Variants in ATP6V0D1 observed in about 807,000 individuals in gnomAD.
ATP6V0D1 encodes V-type proton ATPase subunit d 1.
Under a neutral mutation model 39.0 loss-of-function variants are expected in ATP6V0D1, and 13 were observed. The observed-to-expected ratio is 0.33, with a 90% CI of 0.22 to 0.53. The LOEUF is 0.53. Ranked by LOEUF, ATP6V0D1 falls within the 20% of genes least tolerant of loss-of-function variation. ATP6V0D1 has a pLI of 0.94. For missense variants in ATP6V0D1, 272 were observed against 470.9 expected, an observed-to-expected ratio of 0.58 and a Z score of 3.91; for synonymous variants, 191 against 191.2, an observed-to-expected ratio of 1.00 and a Z score of 0.01.
chr16:67,455,271 G>C (rs2041226717), intron 1 of ATP6V0D1: 1 of 152,208 alleles, frequency 6.6e-6, no homozygotes, highest in South Asian at 2.1e-4. Flanking sequence ...GAGAAGAAGG[G>C]AAGTGGGGCA....
intron 2 of ATP6V0D1, among the ~76,000 whole-genome samples, chr16:67,451,202 GGA>G (rs1379034364): frequency 6.6e-6 from 1 of 152,188 alleles, no homozygotes; most frequent in East Asian, 1.9e-4. Flanking sequence ...GGAGGTAGGG[GGA>G]GAGCGGCTCC....
At chr16:67,473,576 T>G (rs2142333808) in intron 1 of ATP6V0D1, among the ~76,000 whole-genome samples, 1 of 152,304 alleles carries the variant, frequency 6.6e-6, no homozygotes, top group East Asian at 1.9e-4. Flanking sequence ...CAGGCTGGAG[T>G]GCAGTGGTGC....
rs2041128574 is a variant in ATP6V0D1, at chr16:67,447,330, C to G, written c.303-2624G>C. On this transcript the variant is annotated intron_variant, in intron 2 of 7. Coordinates refer to ENST00000290949, the MANE Select transcript of ATP6V0D1 (RefSeq NM_004691.5). The surrounding 1 kb of genome is among the most constrained non-coding windows in gnomAD (Gnocchi z 4.1). The stretch of plus-strand genomic sequence containing the variant: ...CAGTGAGGGGCAGAATCCTCTTTTT[C>G]AGGAGATGAGAGGCTGGACAGGCCT... 6.6e-6 allele frequency among the ~76,000 whole-genome samples: 1 copy of G among 152,204 alleles called. No homozygotes were observed. The highest frequency in any genetic ancestry group is 1.5e-5 in the Non-Finnish European group (1 of 68,028).
rs1039405407 is a variant in ATP6V0D1 at position 67,447,106 on chromosome 16, C to G, written c.303-2400G>C. Among the ~76,000 whole-genome samples the G allele has an allele frequency of 1.3e-5, 2 of 152,230 alleles. No homozygotes were observed. The highest frequency in any genetic ancestry group is 2.9e-5 in the Non-Finnish European group (2 of 68,046). ...TCAACGTCCCCCTCCTTGCGCCCCC[C>G]ACTCAGGGCATCTGTTTATGTGGGG... On this transcript the variant is annotated intron_variant, in intron 2 of 7. Coordinates refer to ENST00000290949, the MANE Select transcript of ATP6V0D1 (RefSeq NM_004691.5). The surrounding 1 kb of genome is among the most constrained non-coding windows in gnomAD (Gnocchi z 4.1).
intron 1 of ATP6V0D1, among the ~76,000 whole-genome samples, chr16:67,466,348 C>CAT (rs1183663305): frequency 2.0e-5 from 3 of 150,544 alleles, no homozygotes; most frequent in Non-Finnish European, 3.0e-5. Context: ...CACACACACA[C>CAT]ACACACACAC....
chr16:67,475,175 T>C (rs894005842), intron 1 of ATP6V0D1, among the ~76,000 whole-genome samples: 5 of 152,242 alleles, frequency 3.3e-5, no homozygotes, highest in African/African-American at 1.2e-4. Context: ...GTCCTTTCTA[T>C]GGTTTTTACG....
chr16:67,476,666 T>C (rs1216955810), intron 1 of ATP6V0D1, among the ~76,000 whole-genome samples: 1 of 152,156 alleles, frequency 6.6e-6, no homozygotes, highest in Non-Finnish European at 1.5e-5. Context: ...GATGAAACGA[T>C]GGCTTCAGTC....
Position 67,439,073 on chromosome 16 carries a change from G to A in ATP6V0D1, c.714C>T (p.Ala238=), listed in dbSNP as rs150206111. The A allele has an allele frequency of 1.2e-6, 2 of 1,614,262 alleles. No homozygotes were observed. The highest frequency in any genetic ancestry group is 1.7e-6 in the Non-Finnish European group (2 of 1,180,046). ...FGTELSKEDR[A]KLFPHCGRLY... ...GCCGCCCACAGTGTGGAAAGAGCTTGGCACGGTCCTCTTTGGACAGCTCTG... is the reference window on the plus strand; with the variant it reads ...GCCGCCCACAGTGTGGAAAGAGCTTAGCACGGTCCTCTTTGGACAGCTCTG... The change falls in exon 6 of 8, where the codon GCC becomes GCT. Residue 238 remains alanine, a synonymous_variant. Coordinates refer to ENST00000290949, the MANE Select transcript of ATP6V0D1 (RefSeq NM_004691.5).
intron 2 of ATP6V0D1, chr16:67,452,265 ACT>A: frequency 6.5e-7 from 1 of 1,535,370 alleles, no homozygotes. Context: ...CAGCAAGGAG[ACT>A]CTCAGGAAAG....
Position 67,438,450 on chromosome 16 carries a change from TACACACACAC to T in ATP6V0D1, c.*68_*77del. 2 of 1,514,856 alleles carry T rather than the reference TACACACACAC, an allele frequency of 1.3e-6. No homozygotes were observed. The highest frequency in any genetic ancestry group is 1.8e-6 in the Non-Finnish European group (2 of 1,121,296). The allele number at this position is 1,514,856 out of a possible 1,614,324, so 93.8% of individuals were successfully genotyped here. A position where few individuals can be genotyped will look rare whatever the true frequency, so the allele number is the denominator to read the frequency against. Reference sequence around the variant, plus strand: ...AGCCACAGGCTTGTCACAGACCACATACACACACACGCACACACACGCGCACACACACACA... The same window carrying T: ...AGCCACAGGCTTGTCACAGACCACATGCACACACACGCGCACACACACACA... On this transcript the variant is annotated 3_prime_UTR_variant, in exon 8 of 8. Transcript: ENST00000290949.
At chr16:67,468,777 G>C (rs1222561187) in intron 1 of ATP6V0D1, among the ~76,000 whole-genome samples, 1 of 152,162 alleles carries the variant, frequency 6.6e-6, no homozygotes. Flanking sequence ...TAAGGGCCCT[G>C]AATGGCTGAC....
intron 1 of ATP6V0D1, among the ~76,000 whole-genome samples, chr16:67,476,559 T>A (rs1455361968): frequency 6.6e-6 from 1 of 152,196 alleles, no homozygotes; most frequent in African/African-American, 2.4e-5. Context: ...TCAGGATAAC[T>A]AAGTACTTGA....
intron 1 of ATP6V0D1, among the ~76,000 whole-genome samples, chr16:67,471,378 G>C (rs113809470): frequency 3.9e-5 from 6 of 151,948 alleles, no homozygotes; most frequent in African/African-American, 1.4e-4. Context: ...TAGTAGATAT[G>C]GGGGTTTCAC....
chr16:67,461,686 T>C (rs560224078), intron 1 of ATP6V0D1, among the ~76,000 whole-genome samples: 4 of 152,324 alleles, frequency 2.6e-5, no homozygotes, highest in Non-Finnish European at 4.4e-5. Flanking sequence ...TTTTGTTTCA[T>C]GCTAGAGGTT....
intron 4 of ATP6V0D1, chr16:67,440,862 G>A (rs2041042494): frequency 6.6e-6 from 1 of 152,358 alleles, no homozygotes; most frequent in Non-Finnish European, 1.5e-5. Flanking sequence ...AGGATCCCAG[G>A]AATGAGAGGG....
At position 67,465,306 on chromosome 16, in the gene ATP6V0D1, C is replaced by T. The variant is rs144311908; in HGVS notation, c.131-11591G>A. 1.0e-3 allele frequency among the ~76,000 whole-genome samples: 157 copies of T among 152,296 alleles called. 1 individual carries two copies. The highest frequency in any genetic ancestry group is 3.6e-3 in the African/African-American group (150 of 41,560). On this transcript the variant is annotated intron_variant, in intron 1 of 7. Coordinates refer to ENST00000290949, the MANE Select transcript of ATP6V0D1 (RefSeq NM_004691.5). ...TCAGGTGCCTGGTTTGGCCATCTCC[C>T]GGAGTCACCCTGCATATATGTACCT...
intron 1 of ATP6V0D1, among the ~76,000 whole-genome samples, chr16:67,469,577 G>A (rs142553547): frequency 6.6e-6 from 1 of 152,242 alleles, no homozygotes; most frequent in Non-Finnish European, 1.5e-5. Context: ...GGTGTAAAGA[G>A]AAGTGGCTTC....
chr16:67,476,083 G>A (rs1294921590), intron 1 of ATP6V0D1, among the ~76,000 whole-genome samples: 3 of 152,130 alleles, frequency 2.0e-5, no homozygotes, highest in Admixed American at 6.5e-5. Flanking sequence ...TTAGCCAGGC[G>A]TGGTAGCGTA....
chr16:67,439,115 G>A lies in ATP6V0D1; in HGVS notation c.672C>T (p.Thr224=), dbSNP rs747899906. 1.9e-6 allele frequency: 3 copies of A among 1,614,222 alleles called. No individual in the cohort carries two copies. Among genetic ancestry groups the A allele is most frequent in the South Asian group, 2.2e-5 (2 of 91,086 alleles). Residue 224 remains threonine (T), a synonymous_variant, in exon 6 of 8, where the codon ACC becomes ACT. Transcript: ENST00000290949. ...FEADRRAFII[T]INSFGTELSK... is the part of the protein sequence containing the mutation. ...ACAGCTCTGTGCCGAAAGAATTGAT[G>A]GTGATGATGAAGGCGCGGCGGTCTG... is the stretch of plus-strand genomic sequence containing the variant.
Sources: gnomAD v4.1 joint callset for allele counts (sites outside exome capture counted in the v4.1 genomes callset) on GRCh38, gnomAD v4.1.1 for gene constraint, Gnocchi (gnomAD v3.1) non-coding constraint, MANE v1.5 for transcripts, NCBI Gene and HGNC (gene_info 2026-07-23, HGNC 2026-07-21) for gene names.